Variants in ITSN1 observed in about 807,000 individuals in gnomAD.
The protein encoded by ITSN1 is intersectin-1.
Under a neutral mutation model 239.8 loss-of-function variants are expected in ITSN1, and 58 were observed. The ratio of observed to expected loss-of-function variants is 0.24; its 90% CI spans 0.20 to 0.30. ITSN1 has a LOEUF of 0.30. Among genes scored for constraint, ITSN1 ranks in the 10% least tolerant of loss-of-function variants. ITSN1 has a pLI of 1.00. For synonymous variants in ITSN1, 780 were observed against 770.8 expected (o/e 1.01, Z -0.20); for missense variants, 1,558 against 2,103.3 (o/e 0.74, Z 5.07).
chr21:33,652,019 T>C (rs935869278), intron 1 of ITSN1, among the ~76,000 whole-genome samples: 1 of 152,242 alleles, frequency 6.6e-6, no homozygotes, highest in Non-Finnish European at 1.5e-5. Flanking sequence ...AGAAAACTTT[T>C]GGAAACATAT....
At chr21:33,842,993 C>G (rs1400398201) in intron 29 of ITSN1, among the ~76,000 whole-genome samples, 1 of 152,148 alleles carries the variant, frequency 6.6e-6, no homozygotes, top group African/African-American at 2.4e-5. Flanking sequence ...CGTTGCTTCC[C>G]AGGCCCCACC....
Position 33,753,216 on chromosome 21 carries a change from A to G in ITSN1, c.623+1310A>G, listed in dbSNP as rs79102730. Among the ~76,000 whole-genome samples, 1,098 of 122,646 alleles carry G rather than the reference A, an allele frequency of 9.0e-3. 14 individuals are homozygous for G. Among genetic ancestry groups the G allele is most frequent in the African/African-American group, 0.031 (1,045 of 34,164 alleles). The allele number at this position is 122,646 out of a possible 152,430, so 80.5% of individuals were successfully genotyped here. ...TCTAAAAAACTTAATTGTAGGATAC[A>G]GGTATTTATTTGTGTTCCATTTAAT... On this transcript the variant is annotated intron_variant, in intron 7 of 39. Transcript: ENST00000381318.
At chr21:33,653,824 T>C (rs967113838) in intron 1 of ITSN1, among the ~76,000 whole-genome samples, 3 of 152,156 alleles carry the variant, frequency 2.0e-5, no homozygotes, top group Non-Finnish European at 4.4e-5. Flanking sequence ...GCCCGGCCAA[T>C]GTCTTTCTTT....
intron 7 of ITSN1, among the ~76,000 whole-genome samples, chr21:33,754,453 C>T (rs1225568367): frequency 6.6e-6 from 1 of 152,198 alleles, no homozygotes; most frequent in African/African-American, 2.4e-5. Flanking sequence ...AGAGCATTAG[C>T]TGTAATCTGT....
chr21:33,847,462 C>T (rs529185506), intron 29 of ITSN1, among the ~76,000 whole-genome samples: 10 of 152,248 alleles, frequency 6.6e-5, no homozygotes, highest in Non-Finnish European at 1.3e-4. Context: ...GATTCCATTT[C>T]CTGACATATC....
intron 1 of ITSN1, among the ~76,000 whole-genome samples, chr21:33,651,774 G>A (rs1601430947): frequency 6.6e-6 from 1 of 152,172 alleles, no homozygotes; most frequent in Non-Finnish European, 1.5e-5. Context: ...TTTGTAAAAT[G>A]CTGCTGTTGT....
In ITSN1 at chr21:33,858,943, C is replaced by G. The variant is rs1336297341; in HGVS notation, c.3890+151C>G. On this transcript the variant is annotated intron_variant, in intron 31 of 39. Coordinates refer to ENST00000381318, the MANE Select transcript of ITSN1 (RefSeq NM_003024.3). ...TCTCATTGCCACTCACAAACACCAT[C>G]ACCCTTTTGTGCCTTCGTGCTTTCT... 7.8e-6 allele frequency: 4 copies of G among 515,222 alleles called. No homozygotes were observed. In the East Asian group the frequency reaches 9.3e-5, roughly 12 times the overall value. 31.9% of individuals were successfully genotyped at this position (515,222 alleles called of 1,614,324 possible).
chr21:33,887,796 C>T (rs1478329663), intron 39 of ITSN1, among the ~76,000 whole-genome samples: 1 of 151,896 alleles, frequency 6.6e-6, no homozygotes, highest in Admixed American at 6.6e-5. Context: ...TTTGTAGAGA[C>T]AGGGTCTCAC....
chr21:33,872,322 G>C (rs1982884008), intron 33 of ITSN1, among the ~76,000 whole-genome samples: 1 of 152,152 alleles, frequency 6.6e-6, no homozygotes, highest in African/African-American at 2.4e-5. Flanking sequence ...AAAGTTTTAT[G>C]GGAAGGTAAC....
intron 5 of ITSN1, among the ~76,000 whole-genome samples, chr21:33,745,584 C>G (rs1429678336): frequency 2.0e-5 from 3 of 152,134 alleles, no homozygotes; most frequent in Non-Finnish European, 4.4e-5. Flanking sequence ...TTTTCCTATC[C>G]CCCAACACTT....
At position 33,782,134 on chromosome 21, in the gene ITSN1, G is replaced by GTAAC. The variant is rs754136226; in HGVS notation, c.1824+3_1824+6dup. 3.1e-6 allele frequency: 5 copies of GTAAC among 1,613,304 alleles called. No homozygotes were observed. The highest frequency in any genetic ancestry group is 4.2e-6 in the Non-Finnish European group (5 of 1,179,692). On this transcript the variant is annotated splice_donor_variant, in intron 16 of 39. Transcript: ENST00000381318. LOFTEE classifies it high-confidence loss of function. ...TGATATTTTCAATAATCAGCTGAAG[G>GTAAC]TAACTCTTCTATGTGTGCCTGCATG...
intron 21 of ITSN1, among the ~76,000 whole-genome samples, chr21:33,812,850 A>G (rs918798354): frequency 6.6e-6 from 1 of 152,204 alleles, no homozygotes; most frequent in African/African-American, 2.4e-5. Context: ...CCTGGGACCC[A>G]GGACAACTGG....
intron 21 of ITSN1, among the ~76,000 whole-genome samples, chr21:33,813,364 T>TC (rs2073044591): frequency 6.6e-6 from 1 of 151,814 alleles, no homozygotes; most frequent in South Asian, 2.1e-4. Context: ...TTTTTTTTTT[T>TC]CTTTTTGAGA....
intron 1 of ITSN1, among the ~76,000 whole-genome samples, chr21:33,682,734 G>A (rs543641847): frequency 4.0e-5 from 6 of 151,260 alleles, no homozygotes; most frequent in Admixed American, 3.3e-4. Context: ...CATCACATTG[G>A]CCAGGCTGAT....
intron 20 of ITSN1, among the ~76,000 whole-genome samples, chr21:33,808,118 C>A (rs974650041): frequency 6.6e-6 from 1 of 150,982 alleles, no homozygotes; most frequent in Non-Finnish European, 1.5e-5. Flanking sequence ...ACCCGGGAAG[C>A]GGAGCTTGCA....
intron 34 of ITSN1, among the ~76,000 whole-genome samples, chr21:33,876,355 TCTC>T (rs1465175809): frequency 6.6e-6 from 1 of 151,174 alleles, no homozygotes; most frequent in East Asian, 1.9e-4. Context: ...CTCCTTCTCT[TCTC>T]TTCTTTTTTC....
chr21:33,840,615 G>A (rs1254586726), intron 29 of ITSN1, among the ~76,000 whole-genome samples: 1 of 152,072 alleles, frequency 6.6e-6, no homozygotes, highest in Non-Finnish European at 1.5e-5. Flanking sequence ...ACCCGCCTCA[G>A]CCTCCCAAAG....
At chr21:33,875,278 G>C (rs776978269) in intron 33 of ITSN1, 76 bp from the exon 34 acceptor site, 204 of 1,540,834 alleles carry the variant, frequency 1.3e-4, no homozygotes, top group Non-Finnish European at 1.7e-4. Context: ...CGCTGGGCCT[G>C]GTCCTGCAGG....
chr21:33,797,394 G>C lies in ITSN1; in HGVS notation c.1968G>C (p.Arg656Ser). ...TTGTTGGCAGACGAGCTCAGGAAAG[G>C]GACAAGCAGTGGCTGGAGCATGTGC... Reference protein sequence around the residue: ...KEEAQRRAQERDKQWLEHVQQ... With the variant: ...KEEAQRRAQESDKQWLEHVQQ... Residue 656 changes from arginine (R) to serine (S), a missense_variant, in exon 18 of 40, where the codon AGG becomes AGC. This residue lies in a region of ITSN1 where 982 missense variants were observed against 1,209.9 expected (regional missense o/e 0.81). Transcript: ENST00000381318. The surrounding 1 kb of genome is among the most constrained non-coding windows in gnomAD (Gnocchi z 4.9). 1.2e-6 allele frequency: 2 copies of C among 1,613,874 alleles called. No individual in the cohort carries two copies. The highest frequency in any genetic ancestry group is 1.7e-6 in the Non-Finnish European group (2 of 1,179,890).
Sources: gnomAD v4.1 joint callset for allele counts (sites outside exome capture counted in the v4.1 genomes callset) on GRCh38, gnomAD v4.1.1 for gene constraint, gnomAD v4.1.1 regional missense constraint, Gnocchi (gnomAD v3.1) non-coding constraint, MANE v1.5 for transcripts, NCBI Gene and HGNC (gene_info 2026-07-23, HGNC 2026-07-21) for gene names.